The following PPP1R14C variants were observed in gnomAD, a reference collection of about 807,000 sequenced individuals.
PPP1R14C encodes protein phosphatase 1 regulatory subunit 14C.
PPP1R14C carries 16 observed loss-of-function variants against 20.4 expected under a neutral mutation model. The observed-to-expected ratio is 0.78, with a 90% confidence interval of 0.53 to 1.19. The LOEUF (loss-of-function observed/expected upper bound fraction) is 1.19, where lower values mean the gene tolerates loss of function less well. Ranked by LOEUF, PPP1R14C falls within the 50% of genes most tolerant of loss-of-function variation. The pLI, the probability that PPP1R14C is intolerant of heterozygous loss-of-function variation, is 0.00. For missense variants in PPP1R14C, 211 were observed against 220.1 expected, an observed-to-expected ratio of 0.96 and a Z score of 0.26; for synonymous variants, 91 against 91.0, an observed-to-expected ratio of 1.00 and a Z score of 0.00.
intron 1 of PPP1R14C, among the ~76,000 whole-genome samples, chr6:150,175,547 C>A (rs765972484): frequency 6.6e-6 from 1 of 152,188 alleles, no homozygotes; most frequent in African/African-American, 2.4e-5. Flanking sequence ...TAAAATATTA[C>A]TTCAACAATA....
intron 3 of PPP1R14C, among the ~76,000 whole-genome samples, chr6:150,239,189 C>A (rs1319481649): frequency 3.9e-5 from 6 of 152,208 alleles, no homozygotes; most frequent in African/African-American, 1.2e-4. Flanking sequence ...CGTGTTCATC[C>A]TTTCTTTCAG....
At chr6:150,174,690 C>T (rs930216585) in intron 1 of PPP1R14C, among the ~76,000 whole-genome samples, 2 of 151,710 alleles carry the variant, frequency 1.3e-5, no homozygotes, top group South Asian at 2.1e-4. Flanking sequence ...GAAAGCTGGG[C>T]GCAGTGGCTC....
At chr6:150,197,526 G>A (rs541844771) in intron 1 of PPP1R14C, among the ~76,000 whole-genome samples, 1 of 152,364 alleles carries the variant, frequency 6.6e-6, no homozygotes, top group African/African-American at 2.4e-5. Context: ...AAGCTAATGG[G>A]ATGCTTTAAG....
In PPP1R14C at chr6:150,143,149, C is replaced by T; in HGVS notation, c.-44C>T. 2.5e-6 allele frequency: 3 copies of T among 1,206,708 alleles called. No individual in the cohort carries two copies. Among genetic ancestry groups the T allele is most frequent in the Non-Finnish European group, 3.1e-6 (3 of 974,584 alleles). 74.8% of individuals were successfully genotyped at this position (1,206,708 alleles called of 1,614,324 possible). Reference sequence around the variant, plus strand: ...GGTAGCGGCGCCGGGCGCGCTCCGCCCGCCCCTCCTCCGGGCCGCACTGAG... The same window carrying T: ...GGTAGCGGCGCCGGGCGCGCTCCGCTCGCCCCTCCTCCGGGCCGCACTGAG... On this transcript the variant is annotated 5_prime_UTR_variant, in exon 1 of 4. Coordinates refer to ENST00000361131, the MANE Select transcript of PPP1R14C (RefSeq NM_030949.3). The surrounding 1 kb of genome is among the most constrained non-coding windows in gnomAD (Gnocchi z 5.6).
intron 3 of PPP1R14C, among the ~76,000 whole-genome samples, chr6:150,223,020 C>T (rs1452107918): frequency 2.0e-5 from 3 of 152,058 alleles, no homozygotes; most frequent in Non-Finnish European, 4.4e-5. Context: ...GTGCCCACCT[C>T]AGACTCCCAA....
intron 1 of PPP1R14C, among the ~76,000 whole-genome samples, chr6:150,187,049 C>T (rs887085338): frequency 6.6e-6 from 1 of 151,728 alleles, no homozygotes; most frequent in Non-Finnish European, 1.5e-5. Flanking sequence ...AATCTTGGCT[C>T]ACTGCAACCT....
rs56893541 is a variant in PPP1R14C at position 150,185,400 on chromosome 6, C to T, written c.307-29344C>T. Among the ~76,000 whole-genome samples the T allele has an allele frequency of 0.028, 4,198 of 152,204 alleles. 207 individuals are homozygous for T. Among genetic ancestry groups the T allele is most frequent in the African/African-American group, 0.096 (3,976 of 41,522 alleles). ...TCTTTGCCCTTCCCAGCTACCTCAT[C>T]GATTTCCTGACTGCTCGTCTTGCCA... On this transcript the variant is annotated intron_variant, in intron 1 of 3. Transcript: ENST00000361131. The surrounding 1 kb of genome is among the most constrained non-coding windows in gnomAD (Gnocchi z 4.1).
At chr6:150,245,473 G>T (rs962027136) in intron 3 of PPP1R14C, among the ~76,000 whole-genome samples, 1 of 152,144 alleles carries the variant, frequency 6.6e-6, no homozygotes, top group African/African-American at 2.4e-5. Context: ...CAGTCACCCT[G>T]TCCATTCTGT....
intron 1 of PPP1R14C, among the ~76,000 whole-genome samples, chr6:150,160,371 T>G (rs1001248862): frequency 4.0e-5 from 6 of 150,838 alleles, no homozygotes; most frequent in Non-Finnish European, 7.4e-5. Context: ...TTCACGCCAT[T>G]CTCCTGCTTC....
At chr6:150,187,806 A>T (rs908785524) in intron 1 of PPP1R14C, among the ~76,000 whole-genome samples, 2 of 152,220 alleles carry the variant, frequency 1.3e-5, no homozygotes, top group African/African-American at 4.8e-5. Context: ...TGACTACAGG[A>T]TCTTGACAAG....
intron 1 of PPP1R14C, among the ~76,000 whole-genome samples, chr6:150,147,103 T>C (rs1777187633): frequency 6.6e-6 from 1 of 152,002 alleles, no homozygotes; most frequent in African/African-American, 2.4e-5. Flanking sequence ...TACATCCACA[T>C]TTAAGGATTT....
chr6:150,200,646 G>C (rs1286216345), intron 1 of PPP1R14C, among the ~76,000 whole-genome samples: 1 of 152,198 alleles, frequency 6.6e-6, no homozygotes, highest in Non-Finnish European at 1.5e-5. Context: ...CTGCAGAAGA[G>C]CAAGATTAGA....
intron 3 of PPP1R14C, among the ~76,000 whole-genome samples, chr6:150,229,781 A>G (rs567494201): frequency 1.3e-5 from 2 of 152,316 alleles, no homozygotes; most frequent in South Asian, 4.2e-4. Context: ...CCCATAACAG[A>G]TCCATAAGCC....
At chr6:150,237,022 A>G (rs554100548) in intron 3 of PPP1R14C, among the ~76,000 whole-genome samples, 3 of 151,328 alleles carry the variant, frequency 2.0e-5, no homozygotes, top group Non-Finnish European at 2.9e-5. Context: ...GAAGAAACAC[A>G]TGTGTGCTGC....
intron 1 of PPP1R14C, among the ~76,000 whole-genome samples, chr6:150,157,152 T>C (rs1562257182): frequency 6.6e-6 from 1 of 152,230 alleles, no homozygotes; most frequent in Non-Finnish European, 1.5e-5. Flanking sequence ...CACCTTACTA[T>C]AAACTCTGAA....
intron 1 of PPP1R14C, chr6:150,196,246 G>C: frequency 2.2e-6 from 1 of 454,330 alleles, no homozygotes; most frequent in Non-Finnish European, 2.9e-6. Context: ...TAAATCTTCA[G>C]CCCTGCTTGC....
chr6:150,145,899 C>A (rs938538254), intron 1 of PPP1R14C, among the ~76,000 whole-genome samples: 9 of 152,106 alleles, frequency 5.9e-5, no homozygotes, highest in Non-Finnish European at 1.0e-4. Flanking sequence ...TTGACCCAAG[C>A]AGGTTAGGAA....
chr6:150,207,730 T>A (rs1276778744), intron 1 of PPP1R14C, among the ~76,000 whole-genome samples: 1 of 152,234 alleles, frequency 6.6e-6, no homozygotes, highest in East Asian at 1.9e-4. Flanking sequence ...TCATTTTCTG[T>A]TGCTGTGACA....
intron 1 of PPP1R14C, among the ~76,000 whole-genome samples, chr6:150,158,044 C>T (rs1777324091): frequency 6.6e-6 from 1 of 152,136 alleles, no homozygotes; most frequent in Admixed American, 6.5e-5. Flanking sequence ...AGCAGGCTGC[C>T]CACTACCTAC....
Sources: allele counts gnomAD v4.1 joint callset (sites outside exome capture counted in the v4.1 genomes callset), GRCh38; gene constraint gnomAD v4.1.1; non-coding constraint Gnocchi (gnomAD v3.1); transcripts MANE v1.5; gene names NCBI Gene and HGNC (gene_info 2026-07-23, HGNC 2026-07-21).